PELI2: variants seen among roughly 807,000 people sequenced by gnomAD.
PELI2 encodes E3 ubiquitin-protein ligase pellino homolog 2.
Under a neutral mutation model 42.3 loss-of-function variants are expected in PELI2, and 23 were observed. The ratio of observed to expected loss-of-function variants is 0.54; its 90% CI spans 0.39 to 0.77. PELI2 has a LOEUF of 0.77. Among genes scored for constraint, PELI2 ranks in the 30% least tolerant of loss-of-function variants. The pLI, the probability that PELI2 is intolerant of heterozygous loss-of-function variation, is 0.00. For synonymous variants in PELI2, 245 were observed against 212.2 expected (o/e 1.15, Z -1.34); for missense variants, 463 against 553.2 (o/e 0.84, Z 1.64).
intron 2 of PELI2, among the ~76,000 whole-genome samples, chr14:56,216,407 C>G (rs1440923508): frequency 1.3e-5 from 2 of 152,234 alleles, no homozygotes; most frequent in East Asian, 1.9e-4. Flanking sequence ...ACTTCTTGTT[C>G]AGCAAAGTGT....
At chr14:56,178,268 C>T in intron 1 of PELI2, 67 bp from the exon 2 acceptor site, 1 of 1,544,210 alleles carries the variant, frequency 6.5e-7, no homozygotes, top group South Asian at 1.1e-5. Flanking sequence ...TATTCAATAC[C>T]TCTAACTTTT....
At chr14:56,176,198 A>G (rs944412009) in intron 1 of PELI2, among the ~76,000 whole-genome samples, 8 of 152,196 alleles carry the variant, frequency 5.3e-5, no homozygotes, top group Admixed American at 5.2e-4. Flanking sequence ...CCAGAGAAGG[A>G]GGTATAGTTG....
At chr14:56,200,232 A>AT (rs1366476483) in intron 2 of PELI2, among the ~76,000 whole-genome samples, 3 of 152,278 alleles carry the variant, frequency 2.0e-5, no homozygotes, top group Non-Finnish European at 4.4e-5. Flanking sequence ...GAGAGTTCAA[A>AT]TACAGAGTGC....
chr14:56,226,071 A>C (rs947111618), intron 2 of PELI2, among the ~76,000 whole-genome samples: 8 of 125,324 alleles, frequency 6.4e-5, no homozygotes, highest in African/African-American at 2.1e-4. Flanking sequence ...AGCATACCAA[A>C]CAGGAAAAAA....
chr14:56,186,152 C>A (rs138998462), intron 2 of PELI2, among the ~76,000 whole-genome samples: 3 of 152,182 alleles, frequency 2.0e-5, no homozygotes, highest in African/African-American at 4.8e-5. Flanking sequence ...AGATTTGGAG[C>A]ATGAGAGGGA....
At chr14:56,125,869 G>T (rs1022470805) in intron 1 of PELI2, among the ~76,000 whole-genome samples, 1 of 152,086 alleles carries the variant, frequency 6.6e-6, no homozygotes, top group African/African-American at 2.4e-5. Context: ...TACTCACTGA[G>T]CCTCTTGGAG....
Position 56,288,364 on chromosome 14 carries a change from C to T in PELI2, c.310-73C>T. ...GTGAATGTTAAAGGAATCCTGAATG[C>T]TTTTTCCTTGTGAATAAAATACGGC... On this transcript the variant is annotated intron_variant, in intron 3 of 5. Coordinates refer to ENST00000267460, the MANE Select transcript of PELI2 (RefSeq NM_021255.3). The surrounding 1 kb of genome is among the most constrained non-coding windows in gnomAD (Gnocchi z 4.6). 1 of 1,151,702 alleles carries T rather than the reference C, an allele frequency of 8.7e-7. No homozygotes were observed. Among genetic ancestry groups the T allele is most frequent in the African/African-American group, 1.5e-5 (1 of 66,018 alleles). The allele number at this position is 1,151,702 out of a possible 1,614,324, so 71.3% of individuals were successfully genotyped here. A position where few individuals can be genotyped will look rare whatever the true frequency, so the allele number is the denominator to read the frequency against.
rs1293222245 is a variant in PELI2, at chr14:56,297,372, T to C, written c.*206T>C. 2 of 516,476 alleles carry C rather than the reference T, an allele frequency of 3.9e-6. No individual in the cohort carries two copies. The highest frequency in any genetic ancestry group is 3.8e-5 in the African/African-American group (2 of 53,124). The allele number at this position is 516,476 out of a possible 1,614,324, so 32.0% of individuals were successfully genotyped here. A position where few individuals can be genotyped will look rare whatever the true frequency, so the allele number is the denominator to read the frequency against. On this transcript the variant is annotated 3_prime_UTR_variant, in exon 6 of 6. Coordinates refer to ENST00000267460, the MANE Select transcript of PELI2 (RefSeq NM_021255.3). ...CATGCTCAAAACAGCAGCGTCGTCA[T>C]TGAAGTCTGCTTGATTAAACCATAA... is the stretch of plus-strand genomic sequence containing the variant.
chr14:56,214,830 C>T (rs1886840932), intron 2 of PELI2, among the ~76,000 whole-genome samples: 1 of 152,198 alleles, frequency 6.6e-6, no homozygotes. Flanking sequence ...TAAGACAGCT[C>T]ATAGCCTCCG....
chr14:56,202,521 T>C (rs552251693), intron 2 of PELI2, among the ~76,000 whole-genome samples: 3 of 152,172 alleles, frequency 2.0e-5, no homozygotes, highest in Non-Finnish European at 4.4e-5. Flanking sequence ...TCTCCAGGTC[T>C]GCTCACAGCC....
intron 2 of PELI2, among the ~76,000 whole-genome samples, chr14:56,181,908 T>G (rs187342569): frequency 7.2e-5 from 11 of 152,192 alleles, no homozygotes; most frequent in Admixed American, 7.2e-4. Context: ...CTTCTGGCCA[T>G]TCTGTTGCAT....
At chr14:56,135,046 G>A (rs929310026) in intron 1 of PELI2, among the ~76,000 whole-genome samples, 1 of 152,130 alleles carries the variant, frequency 6.6e-6, no homozygotes, top group Non-Finnish European at 1.5e-5. Context: ...TAAAAATTAC[G>A]TGTATAGTGG....
Position 56,298,900 on chromosome 14 carries a change from G to T in PELI2, c.*1734G>T, listed in dbSNP as rs1331154956. The T allele has an allele frequency of 6.6e-6, 1 of 152,184 alleles. No homozygotes were observed. The highest frequency in any genetic ancestry group is 1.5e-5 in the Non-Finnish European group (1 of 68,036). The allele number at this position is 152,184 out of a possible 1,614,324, so 9.4% of individuals were successfully genotyped here. On this transcript the variant is annotated 3_prime_UTR_variant, in exon 6 of 6. Transcript: ENST00000267460. ...AATCGATGACAACAGTCCTCTTACA[G>T]ATAGCTTGCTGTATTCTGTATAGCT...
chr14:56,189,180 G>A (rs1885873597), intron 2 of PELI2, among the ~76,000 whole-genome samples: 2 of 151,864 alleles, frequency 1.3e-5, no homozygotes, highest in South Asian at 4.2e-4. Context: ...AATAAAACAG[G>A]GATTTATATC....
At chr14:56,260,838 A>G (rs1449001412) in intron 2 of PELI2, among the ~76,000 whole-genome samples, 1 of 152,170 alleles carries the variant, frequency 6.6e-6, no homozygotes, top group Non-Finnish European at 1.5e-5. Flanking sequence ...TGACTTCCTA[A>G]TGAATGGATA....
intron 2 of PELI2, among the ~76,000 whole-genome samples, chr14:56,278,258 T>A (rs1889359793): frequency 6.6e-6 from 1 of 152,220 alleles, no homozygotes; most frequent in East Asian, 1.9e-4. Context: ...TTCAGTTTTA[T>A]TGAGGTATAA....
chr14:56,285,688 A>G (rs987892876), intron 3 of PELI2, among the ~76,000 whole-genome samples: 2 of 152,142 alleles, frequency 1.3e-5, no homozygotes. Flanking sequence ...GCGTGGTTTC[A>G]GTAGAGTTGT....
intron 2 of PELI2, among the ~76,000 whole-genome samples, chr14:56,263,677 A>T (rs1888801910): frequency 6.6e-6 from 1 of 152,204 alleles, no homozygotes; most frequent in South Asian, 2.1e-4. Context: ...TTAAAAAGCA[A>T]ACAGCAATAA....
chr14:56,212,023 T>C (rs1358058523), intron 2 of PELI2, among the ~76,000 whole-genome samples: 1 of 152,178 alleles, frequency 6.6e-6, no homozygotes, highest in Non-Finnish European at 1.5e-5. Flanking sequence ...GAGCCTCTTA[T>C]GTGCTGGGAA....
Sources: allele counts gnomAD v4.1 joint callset (sites outside exome capture counted in the v4.1 genomes callset), GRCh38; gene constraint gnomAD v4.1.1; non-coding constraint Gnocchi (gnomAD v3.1); transcripts MANE v1.5; gene names NCBI Gene and HGNC (gene_info 2026-07-23, HGNC 2026-07-21).